WASHC2C: variants seen among roughly 807,000 people sequenced by gnomAD.
WASHC2C encodes the protein Vaccinia Penetration Factor.
In WASHC2C, 73 loss-of-function variants were observed where a neutral mutation model predicts 142.2. The ratio of observed to expected loss-of-function variants is 0.51; its 90% CI spans 0.43 to 0.62. WASHC2C has a LOEUF of 0.62. Ranked by LOEUF, WASHC2C falls within the 20% of genes least tolerant of loss-of-function variation. The pLI is 0.00. For missense variants in WASHC2C, 969 were observed against 1,531.7 expected (o/e 0.63, Z 6.13); for synonymous variants, 337 against 565.5 (o/e 0.60, Z 5.73).
At chr10:45,785,828 C>A (rs1184009977) in intron 26 of WASHC2C, 197 bp downstream of exon 26, 2 of 1,043,618 alleles carry the variant, frequency 1.9e-6, no homozygotes, top group African/African-American at 3.2e-5. Context: ...TTTCATGAAT[C>A]TATACTTTAA....
rs2058435023 is a variant in WASHC2C at position 45,792,254 on chromosome 10, T to C, written c.3887-7T>C. 3.2e-6 allele frequency: 5 copies of C among 1,563,730 alleles called. 1 individual carries two copies. The highest frequency in any genetic ancestry group is 4.4e-6 in the Non-Finnish European group (5 of 1,145,886). On this transcript the variant is annotated splice_polypyrimidine_tract_variant and splice_region_variant and intron_variant, in intron 30 of 30. Transcript: ENST00000623400. Reference sequence around the variant, plus strand: ...TCAGCAACTGTTTTTCTTTTTTCTTTCTAAAGATGACATCTTCTCCACTGG... The same window carrying C: ...TCAGCAACTGTTTTTCTTTTTTCTTCCTAAAGATGACATCTTCTCCACTGG...
chr10:45,785,033 C>G, intron 25 of WASHC2C, 132 bp downstream of exon 25: 1 of 1,594,220 alleles, frequency 6.3e-7, no homozygotes, highest in Non-Finnish European at 8.6e-7. Flanking sequence ...TGGCAAATAA[C>G]ATGCCGAGGG....
intron 23 of WASHC2C, among the ~76,000 whole-genome samples, chr10:45,783,564 G>T (rs1210894947): frequency 6.6e-6 from 1 of 151,984 alleles, no homozygotes; most frequent in Non-Finnish European, 1.5e-5. Context: ...CAGGTTCAAG[G>T]ATTCTCCCAC....
intron 19 of WASHC2C, among the ~76,000 whole-genome samples, chr10:45,769,181 G>A (rs1168809140): frequency 2.0e-5 from 3 of 151,780 alleles, no homozygotes; most frequent in Non-Finnish European, 2.9e-5. Flanking sequence ...GCAGTGGCAC[G>A]ATCTCCGTTC....
intron 30 of WASHC2C, among the ~76,000 whole-genome samples, chr10:45,790,807 A>G (rs1321006373): frequency 5.3e-5 from 8 of 152,222 alleles, no homozygotes; most frequent in Non-Finnish European, 1.0e-4. Flanking sequence ...CTCACCAATC[A>G]TCTGTGACAC....
chr10:45,772,060 A>C (rs1554884822), intron 20 of WASHC2C, among the ~76,000 whole-genome samples: 2 of 152,290 alleles, frequency 1.3e-5, no homozygotes, highest in Admixed American at 1.3e-4. Flanking sequence ...ACTGTTCTTC[A>C]GCAATAAAAA....
intron 20 of WASHC2C, among the ~76,000 whole-genome samples, chr10:45,772,117 T>C (rs1435319102): frequency 1.3e-5 from 2 of 152,076 alleles, no homozygotes; most frequent in East Asian, 3.9e-4. Context: ...ACCTAGAAAA[T>C]TTTATGTTAC....
Position 45,785,405 on chromosome 10 carries a change from A to G in WASHC2C, c.2689-104A>G, listed in dbSNP as rs553415259. On this transcript the variant is annotated intron_variant, in intron 25 of 30. Transcript: ENST00000623400. ...AGTTGGTTCAGCCCTCATTTGAGAA[A>G]GTATTTTTAAGACTCAGAAGCCAGG... 7 of 1,409,638 alleles carry G rather than the reference A, an allele frequency of 5.0e-6. No homozygotes were observed. In the African/African-American group the frequency reaches 1.0e-4, roughly 20 times the overall value. 87.3% of individuals were successfully genotyped at this position (1,409,638 alleles called of 1,614,324 possible).
intron 24 of WASHC2C, 64 bp downstream of exon 24, chr10:45,784,757 C>T (rs1232992293): frequency 1.1e-5 from 17 of 1,590,380 alleles, no homozygotes; most frequent in Non-Finnish European, 1.5e-5. Context: ...CTCAACAGCT[C>T]ACCTAGTTCT....
chr10:45,768,334 C>A (rs1183642212), intron 19 of WASHC2C, among the ~76,000 whole-genome samples: 1 of 151,688 alleles, frequency 6.6e-6, no homozygotes, highest in African/African-American at 2.4e-5. Flanking sequence ...GGTACAGCCT[C>A]GTCATTGGAG....
chr10:45,784,293 C>CATACACATATAT (rs2057840348), intron 23 of WASHC2C, among the ~76,000 whole-genome samples: 1 of 63,660 alleles, frequency 1.6e-5, no homozygotes, highest in Non-Finnish European at 3.1e-5. Flanking sequence ...TATATATACA[C>CATACACATATAT]ATATATATAT....
chr10:45,749,311 T>G (rs28737371), intron 8 of WASHC2C, among the ~76,000 whole-genome samples: 1 of 150,926 alleles, frequency 6.6e-6, no homozygotes, highest in Non-Finnish European at 1.5e-5. Flanking sequence ...GGCGGGTGCC[T>G]GTAATCCTAG....
intron 30 of WASHC2C, among the ~76,000 whole-genome samples, chr10:45,791,390 G>C (rs2058386183): frequency 6.7e-6 from 1 of 148,912 alleles, no homozygotes; most frequent in Non-Finnish European, 1.5e-5. Flanking sequence ...AGAGGTAATA[G>C]TAACAGTTTG....
At chr10:45,747,364 G>A (rs1363562573) in intron 8 of WASHC2C, among the ~76,000 whole-genome samples, 5 of 151,934 alleles carry the variant, frequency 3.3e-5, no homozygotes, top group South Asian at 2.1e-4. Flanking sequence ...GGCTGGTCTC[G>A]AGCTCCTGAC....
intron 19 of WASHC2C, among the ~76,000 whole-genome samples, chr10:45,768,725 C>CT (rs199857582): frequency 0.048 from 7,269 of 151,440 alleles, 146 homozygotes; most frequent in African/African-American, 0.083. Context: ...AGTTTTTACA[C>CT]TTTTTTTTTC....
chr10:45,780,907 C>T (rs1407238393), intron 23 of WASHC2C, among the ~76,000 whole-genome samples: 1 of 151,656 alleles, frequency 6.6e-6, no homozygotes, highest in East Asian at 1.9e-4. Context: ...GCACCCACCA[C>T]CATGCCCAGC....
At chr10:45,762,484 C>T (rs2055242276) in intron 17 of WASHC2C, among the ~76,000 whole-genome samples, 1 of 152,156 alleles carries the variant, frequency 6.6e-6, no homozygotes, top group African/African-American at 2.4e-5. Flanking sequence ...ACATGAGCCA[C>T]AGCACCGAGC....
intron 5 of WASHC2C, among the ~76,000 whole-genome samples, chr10:45,742,275 T>C (rs1465197091): frequency 3.3e-5 from 5 of 152,178 alleles, no homozygotes; most frequent in African/African-American, 1.2e-4. Flanking sequence ...CACTAGGGGG[T>C]ATTGTTCTTC....
At chr10:45,737,888 C>T in intron 3 of WASHC2C, 95 bp from the exon 4 acceptor site, 1 of 1,611,188 alleles carries the variant, frequency 6.2e-7, no homozygotes, top group South Asian at 1.1e-5. Context: ...TTTCCTTCCG[C>T]ATCTTTGTCC....
Sources: allele counts gnomAD v4.1 joint callset (sites outside exome capture counted in the v4.1 genomes callset), GRCh38; gene constraint gnomAD v4.1.1; transcripts MANE v1.5; gene names NCBI Gene and HGNC (gene_info 2026-07-23, HGNC 2026-07-21).